SMIM36: variants seen among roughly 807,000 people sequenced by gnomAD.
The protein encoded by SMIM36 is small integral membrane protein 36.
chr17:55,517,156 C>T, the SMIM36 span, among the ~76,000 whole-genome samples: 1 of 152,182 alleles, frequency 6.6e-6, no homozygotes, highest in Non-Finnish European at 1.5e-5. Flanking sequence ...AGGTAGCTAA[C>T]TGGAGAAACC....
the SMIM36 span, among the ~76,000 whole-genome samples, chr17:55,527,401 G>A: frequency 6.6e-6 from 1 of 152,124 alleles, no homozygotes; most frequent in Non-Finnish European, 1.5e-5. Flanking sequence ...GCTTCTAGAA[G>A]TCAGAGTACA....
intron 1 of SMIM36, among the ~76,000 whole-genome samples, chr17:55,509,176 C>A (rs2144723911): frequency 6.6e-6 from 1 of 152,298 alleles, no homozygotes; most frequent in Admixed American, 6.5e-5. Flanking sequence ...ATTGTCAAAG[C>A]TGGCAGGGCA....
intron 1 of SMIM36, among the ~76,000 whole-genome samples, chr17:55,507,779 G>T (rs983338991): frequency 2.6e-5 from 4 of 151,594 alleles, no homozygotes; most frequent in Admixed American, 6.6e-5. Context: ...CTGGCTTTGC[G>T]CATGCGCACT....
At chr17:55,499,207 C>T (rs1909866872) in intron 1 of SMIM36, among the ~76,000 whole-genome samples, 1 of 151,984 alleles carries the variant, frequency 6.6e-6, no homozygotes, top group South Asian at 2.1e-4. Context: ...GCATCTTATT[C>T]AGAGGAGAAA....
intron 1 of SMIM36, among the ~76,000 whole-genome samples, chr17:55,481,963 C>T (rs983663272): frequency 5.9e-5 from 9 of 152,180 alleles, no homozygotes; most frequent in African/African-American, 1.9e-4. Flanking sequence ...TCCCAAAGTG[C>T]TGGGATTACA....
the SMIM36 span, among the ~76,000 whole-genome samples, chr17:55,529,370 C>A: frequency 3.3e-5 from 5 of 152,160 alleles, no homozygotes; most frequent in African/African-American, 9.7e-5. Flanking sequence ...TGCCTGTAAT[C>A]CCAACACTTT....
chr17:55,455,138 G>T (rs1193957958), intron 4 of SMIM36, among the ~76,000 whole-genome samples: 1 of 152,124 alleles, frequency 6.6e-6, no homozygotes, highest in East Asian at 1.9e-4. Context: ...CTGATTTACA[G>T]CCCACCAGCA....
At chr17:55,519,950 G>A in the SMIM36 span, among the ~76,000 whole-genome samples, 1 of 152,128 alleles carries the variant, frequency 6.6e-6, no homozygotes, top group African/African-American at 2.4e-5. Flanking sequence ...TTAAAAAATT[G>A]GCTATTTATT....
At chr17:55,453,066 T>G (rs1028432148) in intron 4 of SMIM36, among the ~76,000 whole-genome samples, 1 of 152,118 alleles carries the variant, frequency 6.6e-6, no homozygotes, top group African/African-American at 2.4e-5. Context: ...TCCCAGCACT[T>G]AGGGAGGCTG....
At chr17:55,501,400 ATTATT>A (rs1909968362) in intron 1 of SMIM36, among the ~76,000 whole-genome samples, 3 of 15,926 alleles carry the variant, frequency 1.9e-4, no homozygotes, top group African/African-American at 4.9e-4. Context: ...TATATTATAT[ATTATT>A]ATATATTATA....
the SMIM36 span, among the ~76,000 whole-genome samples, chr17:55,531,036 C>T: frequency 1.3e-5 from 2 of 152,098 alleles, no homozygotes; most frequent in African/African-American, 2.4e-5. Context: ...GTAGATTTTG[C>T]GGACTTTCAG....
At chr17:55,531,165 A>T in the SMIM36 span, among the ~76,000 whole-genome samples, 2 of 152,178 alleles carry the variant, frequency 1.3e-5, no homozygotes, top group African/African-American at 4.8e-5. Context: ...CATCTCAAGC[A>T]TGCAAACATC....
rs1181821932 is a variant in SMIM36 at position 55,511,097 on chromosome 17, A to G, written c.238T>C (p.Leu80=). 8 of 398,430 alleles carry G rather than the reference A, an allele frequency of 2.0e-5. No individual in the cohort carries two copies. The South Asian group carries it at 1.0e-3, about 51-fold the overall frequency. 24.7% of individuals were successfully genotyped at this position (398,430 alleles called of 1,614,324 possible). A position where few individuals can be genotyped will look rare whatever the true frequency, so the allele number is the denominator to read the frequency against. ...TTTCCTAGTGGAGCAGGATCCCCCA[A>G]AGAAAGGCCAGGCCCCTTTGGCCAG... The change falls in exon 1 of 5, where the codon TTG becomes CTG. Residue 80 remains leucine (L), a synonymous_variant. Transcript: ENST00000636752.
chr17:55,482,449 G>T (rs1287495873), intron 1 of SMIM36, among the ~76,000 whole-genome samples: 1 of 152,122 alleles, frequency 6.6e-6, no homozygotes, highest in African/African-American at 2.4e-5. Context: ...GGCTTCCACA[G>T]GCTGTTACCA....
At chr17:55,511,373 C>T (rs1910179775) in exon 1 of SMIM36, 1 of 397,966 alleles carries the variant, frequency 2.5e-6, no homozygotes, top group African/African-American at 2.1e-5. Flanking sequence ...TAGAGAAAGG[C>T]AATTGGGGTC....
intron 4 of SMIM36, among the ~76,000 whole-genome samples, chr17:55,460,215 G>C (rs1198888510): frequency 6.6e-6 from 1 of 151,870 alleles, no homozygotes; most frequent in Non-Finnish European, 1.5e-5. Context: ...GGATCACAAG[G>C]TCAGGAGTTC....
At chr17:55,463,709 G>A (rs1909185388) in intron 4 of SMIM36, among the ~76,000 whole-genome samples, 1 of 152,074 alleles carries the variant, frequency 6.6e-6, no homozygotes, top group Non-Finnish European at 1.5e-5. Flanking sequence ...GGTTGGTATG[G>A]TGGAAAGTGC....
At chr17:55,522,503 A>T in the SMIM36 span, among the ~76,000 whole-genome samples, 2 of 152,234 alleles carry the variant, frequency 1.3e-5, no homozygotes, top group Non-Finnish European at 1.5e-5. Context: ...CACATCTTAC[A>T]TATAGGCAGG....
chr17:55,509,354 G>A (rs1397139985), intron 1 of SMIM36, among the ~76,000 whole-genome samples: 2 of 152,160 alleles, frequency 1.3e-5, no homozygotes, highest in Non-Finnish European at 2.9e-5. Flanking sequence ...GCCATCTCCT[G>A]TCCTACCCTT....
Sources: allele counts gnomAD v4.1 joint callset (sites outside exome capture counted in the v4.1 genomes callset), GRCh38; gene constraint gnomAD v4.1.1; transcripts MANE v1.5; gene names NCBI Gene and HGNC (gene_info 2026-07-23, HGNC 2026-07-21).